Variants in SPOP observed in about 807,000 individuals in gnomAD.
SPOP encodes the protein speckle type BTB/POZ protein.
Under a neutral mutation model 45.6 loss-of-function variants are expected in SPOP, and 11 were observed. That is an observed-to-expected ratio of 0.24 (90% CI 0.15 to 0.40). SPOP has a LOEUF of 0.40. SPOP is among the 10% of genes least tolerant of loss of function. SPOP has a pLI of 1.00. For synonymous variants in SPOP, 166 were observed against 166.3 expected (o/e 1.00, Z 0.01); for missense variants, 152 against 465.6 (o/e 0.33, Z 6.20).
chr17:49,622,440 C>A, intron 2 of SPOP: 1 of 519,666 alleles, frequency 1.9e-6, no homozygotes, highest in Non-Finnish European at 3.5e-6. Context: ...ACATCTCAAA[C>A]TTGTTTCCCC....
At position 49,664,534 on chromosome 17, in the gene SPOP, T is replaced by A. The variant is rs1030736702; in HGVS notation, c.-67+13399A>T. On this transcript the variant is annotated intron_variant, in intron 1 of 9. Coordinates refer to ENST00000504102, the MANE Select transcript of SPOP (RefSeq NM_001007228.2). ...CTAATTTGGTAAATATCAATTTATA[T>A]AACCCACATAAACAAAAGCTCTTTA... is the stretch of plus-strand genomic sequence containing the variant. 5.3e-5 allele frequency among the ~76,000 whole-genome samples: 8 copies of A among 152,346 alleles called. No individual in the cohort carries two copies. In the South Asian group the frequency reaches 1.7e-3, roughly 32 times the overall value.
chr17:49,649,450 T>C (rs1327804220), intron 1 of SPOP, among the ~76,000 whole-genome samples: 1 of 151,736 alleles, frequency 6.6e-6, no homozygotes, highest in Non-Finnish European at 1.5e-5. Context: ...GGCAGGAGAA[T>C]TGCTTAAACC....
At chr17:49,669,763 C>A (rs1418738599) in intron 1 of SPOP, among the ~76,000 whole-genome samples, 562 of 103,166 alleles carry the variant, frequency 5.4e-3, no homozygotes, top group South Asian at 7.7e-3. Flanking sequence ...GACTCTGCCT[C>A]AAAAAAAAAA....
chr17:49,672,450 G>A (rs1026411981), intron 1 of SPOP, among the ~76,000 whole-genome samples: 1 of 152,142 alleles, frequency 6.6e-6, no homozygotes, highest in Non-Finnish European at 1.5e-5. Flanking sequence ...ATTAATAGTG[G>A]GACATTATGA....
chr17:49,629,063 G>A (rs1395096427), intron 1 of SPOP, among the ~76,000 whole-genome samples: 1 of 151,306 alleles, frequency 6.6e-6, no homozygotes, highest in African/African-American at 2.4e-5. Flanking sequence ...CCAACATAGC[G>A]AAACCCCGTC....
At chr17:49,613,098 T>C (rs887101688) in intron 5 of SPOP, among the ~76,000 whole-genome samples, 1 of 152,222 alleles carries the variant, frequency 6.6e-6, no homozygotes, top group Admixed American at 6.5e-5. Context: ...TATAACATTA[T>C]TTTAATAGCC....
chr17:49,672,134 C>A (rs1323096747), intron 1 of SPOP, among the ~76,000 whole-genome samples: 4 of 151,584 alleles, frequency 2.6e-5, no homozygotes, highest in African/African-American at 9.7e-5. Flanking sequence ...AGCAAGACTC[C>A]ATCTCAAAAA....
At chr17:49,667,673 A>C (rs1360448592) in intron 1 of SPOP, among the ~76,000 whole-genome samples, 2 of 152,338 alleles carry the variant, frequency 1.3e-5, no homozygotes, top group East Asian at 3.9e-4. Context: ...TGGTTCAGCC[A>C]CTATGGAAAA....
chr17:49,614,916 C>A (rs962680835), intron 5 of SPOP, among the ~76,000 whole-genome samples: 1 of 150,918 alleles, frequency 6.6e-6, no homozygotes, highest in Non-Finnish European at 1.5e-5. Flanking sequence ...GCAGTGGTAG[C>A]GGTGTGATCA....
At chr17:49,646,897 T>A (rs1207072552) in intron 1 of SPOP, among the ~76,000 whole-genome samples, 2 of 152,208 alleles carry the variant, frequency 1.3e-5, no homozygotes, top group East Asian at 3.8e-4. Context: ...TATGGTCTTT[T>A]ATTCAACATG....
intron 1 of SPOP, among the ~76,000 whole-genome samples, chr17:49,662,809 T>G (rs1484949390): frequency 6.6e-6 from 1 of 152,226 alleles, no homozygotes; most frequent in Admixed American, 6.5e-5. Context: ...TGATGTTAAG[T>G]GACTGCACTA....
At chr17:49,669,353 C>T (rs2073106656) in intron 1 of SPOP, among the ~76,000 whole-genome samples, 1 of 150,014 alleles carries the variant, frequency 6.7e-6, no homozygotes, top group African/African-American at 2.5e-5. Flanking sequence ...AGGCGTGAGC[C>T]ACCACGCCCA....
intron 5 of SPOP, among the ~76,000 whole-genome samples, chr17:49,617,406 T>C: frequency 6.6e-6 from 1 of 152,198 alleles, no homozygotes; most frequent in East Asian, 1.9e-4. Context: ...TCTGTGACGT[T>C]AGATTTACAC....
chr17:49,630,745 C>A (rs1219379530), intron 1 of SPOP, among the ~76,000 whole-genome samples: 1 of 152,082 alleles, frequency 6.6e-6, no homozygotes, highest in Non-Finnish European at 1.5e-5. Flanking sequence ...AACCACTGTG[C>A]CCAGCCTGTT....
intron 6 of SPOP, among the ~76,000 whole-genome samples, chr17:49,610,339 C>T (rs1267769011): frequency 6.6e-6 from 1 of 152,104 alleles, no homozygotes; most frequent in Non-Finnish European, 1.5e-5. Flanking sequence ...CTGTCTCAGC[C>T]TCTGGAGCAG....
At chr17:49,647,070 G>A (rs567019785) in intron 1 of SPOP, among the ~76,000 whole-genome samples, 3 of 152,012 alleles carry the variant, frequency 2.0e-5, no homozygotes, top group Admixed American at 6.6e-5. Flanking sequence ...CAGGCACATC[G>A]CCTGAGCTCA....
At chr17:49,637,674 T>C (rs2072567284) in intron 1 of SPOP, among the ~76,000 whole-genome samples, 1 of 152,188 alleles carries the variant, frequency 6.6e-6, no homozygotes, top group Admixed American at 6.6e-5. Context: ...TCTAATAAAC[T>C]GACCTATGAG....
At chr17:49,672,875 A>G (rs903113847) in intron 1 of SPOP, among the ~76,000 whole-genome samples, 1 of 152,150 alleles carries the variant, frequency 6.6e-6, no homozygotes, top group African/African-American at 2.4e-5. Flanking sequence ...TGAACCCTGG[A>G]CGCAAAGGTT....
At chr17:49,657,840 T>G in intron 1 of SPOP, among the ~76,000 whole-genome samples, 1 of 151,786 alleles carries the variant, frequency 6.6e-6, no homozygotes, top group African/African-American at 2.4e-5. Flanking sequence ...TAGCTGGGAC[T>G]ACAGCAGCGT....
Sources: gnomAD v4.1 joint callset for allele counts (sites outside exome capture counted in the v4.1 genomes callset) on GRCh38, gnomAD v4.1.1 for gene constraint, MANE v1.5 for transcripts, NCBI Gene and HGNC (gene_info 2026-07-23, HGNC 2026-07-21) for gene names.